RPTOR: variants seen among roughly 807,000 people sequenced by gnomAD.
RPTOR encodes regulatory-associated protein of mTOR.
Under a neutral mutation model 169.9 loss-of-function variants are expected in RPTOR, and 21 were observed. That is an observed-to-expected ratio of 0.12 (90% CI 0.09 to 0.18). The LOEUF (loss-of-function observed/expected upper bound fraction) is 0.18. RPTOR is among the 10% of genes least tolerant of loss of function. The probability of loss-of-function intolerance (pLI) is 1.00; values close to 1 mark genes in which losing one functional copy is unlikely to be tolerated. For missense variants in RPTOR, 1,133 were observed against 1,855.9 expected (o/e 0.61, Z 7.16); for synonymous variants, 732 against 753.2 (o/e 0.97, Z 0.46).
intron 3 of RPTOR, among the ~76,000 whole-genome samples, chr17:80,672,525 C>T (rs191448345): frequency 6.6e-6 from 1 of 152,256 alleles, no homozygotes; most frequent in East Asian, 1.9e-4. Flanking sequence ...CGGTGGCTCA[C>T]GCCTGTAGTA....
chr17:80,956,080 C>T (rs560923992), intron 28 of RPTOR, among the ~76,000 whole-genome samples: 1 of 152,290 alleles, frequency 6.6e-6, no homozygotes, highest in African/African-American at 2.4e-5. Flanking sequence ...ATGTGGAAGG[C>T]ATGTTACGTT....
chr17:80,784,539 C>G (rs191949385), intron 6 of RPTOR, among the ~76,000 whole-genome samples: 10 of 151,668 alleles, frequency 6.6e-5, no homozygotes, highest in Admixed American at 6.6e-4. Context: ...TTATAGGCAC[C>G]CACCACCATG....
At chr17:80,886,746 T>A (rs1404123966) in intron 17 of RPTOR, among the ~76,000 whole-genome samples, 1 of 152,132 alleles carries the variant, frequency 6.6e-6, no homozygotes, top group African/African-American at 2.4e-5. Flanking sequence ...CTGCTGAACC[T>A]GCATCCTGGA....
intron 9 of RPTOR, among the ~76,000 whole-genome samples, chr17:80,825,255 A>AGGTT (rs2067428095): frequency 6.6e-6 from 1 of 150,594 alleles, no homozygotes; most frequent in African/African-American, 2.5e-5. Context: ...CCGCGTGGCG[A>AGGTT]GGCCAGCGTG....
intron 20 of RPTOR, among the ~76,000 whole-genome samples, chr17:80,898,174 G>A (rs1194096442): frequency 1.3e-5 from 2 of 152,142 alleles, no homozygotes; most frequent in African/African-American, 4.8e-5. Context: ...GCTTCAAAAA[G>A]TTTTATTCTT....
chr17:80,814,228 G>A (rs772790178), intron 7 of RPTOR, among the ~76,000 whole-genome samples: 4 of 152,062 alleles, frequency 2.6e-5, no homozygotes, highest in Admixed American at 1.3e-4. Context: ...AAAAAAGGGG[G>A]GAAAAGTTTT....
chr17:80,655,576 A>ATTTTT (rs36041783), intron 3 of RPTOR, among the ~76,000 whole-genome samples: 1 of 135,714 alleles, frequency 7.4e-6, no homozygotes, highest in Non-Finnish European at 1.6e-5. Context: ...CTAATTTTTA[A>ATTTTT]TTTTTTTTTT....
At chr17:80,728,362 A>T (rs1344741082) in intron 4 of RPTOR, among the ~76,000 whole-genome samples, 1 of 151,606 alleles carries the variant, frequency 6.6e-6, no homozygotes, top group Non-Finnish European at 1.5e-5. Flanking sequence ...AGGTTTTGTG[A>T]CTTGCTTAAT....
rs924328834 is a variant in RPTOR, at chr17:80,959,565, G to A, written c.3478-513G>A. Among the ~76,000 whole-genome samples the A allele has an allele frequency of 5.9e-5, 9 of 152,026 alleles. No individual in the cohort carries two copies. In the East Asian group the frequency reaches 1.2e-3, roughly 20 times the overall value. On this transcript the variant is annotated intron_variant, in intron 29 of 33. Coordinates refer to ENST00000306801, the MANE Select transcript of RPTOR (RefSeq NM_020761.3). This position sits in a 1 kb window ranked among gnomAD's most constrained non-coding sequence, Gnocchi z 6.7. ...GTCCCTGGCAGGTGCCATCGCCCCC[G>A]CCCCCGCTTCTCCAGCACTTAGAGC... is the stretch of plus-strand genomic sequence containing the variant.
chr17:80,852,641 A>G (rs1360061796), intron 11 of RPTOR, among the ~76,000 whole-genome samples: 1 of 151,844 alleles, frequency 6.6e-6, no homozygotes, highest in Non-Finnish European at 1.5e-5. Context: ...ACATGCTGGG[A>G]TCCCCTCCAT....
At position 80,594,137 on chromosome 17, in the gene RPTOR, A is replaced by G. The variant is rs574105920; in HGVS notation, c.163-31554A>G. Among the ~76,000 whole-genome samples, 208 of 151,594 alleles carry G rather than the reference A, an allele frequency of 1.4e-3. 2 individuals carry two copies. Among genetic ancestry groups the G allele is most frequent in the African/African-American group, 4.6e-3 (189 of 41,248 alleles). The stretch of plus-strand genomic sequence containing the variant: ...GAGACAGAGTCTCGCTCTATCACCC[A>G]GGCTGCAGTGCAGTGGTGCGATCTC... On this transcript the variant is annotated intron_variant, in intron 1 of 33. Transcript: ENST00000306801.
rs2068151973 is a variant in RPTOR, at chr17:80,878,848, A to T, written c.1510-1567A>T. On this transcript the variant is annotated intron_variant, in intron 13 of 33. Transcript: ENST00000306801. The surrounding 1 kb of genome is among the most constrained non-coding windows in gnomAD (Gnocchi z 4.1). ...AGCCAGCACTTGCAGAAGTGTCCCCAAGTTAGGCAGCCTGGTGTGGCTTCC... is the reference window on the plus strand; with the variant it reads ...AGCCAGCACTTGCAGAAGTGTCCCCTAGTTAGGCAGCCTGGTGTGGCTTCC... 6.6e-6 allele frequency among the ~76,000 whole-genome samples: 1 copy of T among 152,098 alleles called. No individual in the cohort carries two copies. Among genetic ancestry groups the T allele is most frequent in the Non-Finnish European group, 1.5e-5 (1 of 68,006 alleles).
chr17:80,879,793 A>C (rs1414906770), intron 13 of RPTOR, among the ~76,000 whole-genome samples: 1 of 152,216 alleles, frequency 6.6e-6, no homozygotes, highest in Non-Finnish European at 1.5e-5. Context: ...ATGTGTAGAC[A>C]GGCACAGAAT....
intron 7 of RPTOR, among the ~76,000 whole-genome samples, chr17:80,807,952 G>A (rs991785709): frequency 6.6e-6 from 1 of 152,084 alleles, no homozygotes; most frequent in Non-Finnish European, 1.5e-5. Flanking sequence ...TGGTCCTTGG[G>A]CCATAGTTTT....
At position 80,675,680 on chromosome 17, in the gene RPTOR, C is replaced by T. The variant is rs141494506; in HGVS notation, c.348+31870C>T. Reference sequence around the variant, plus strand: ...CGCGGAACCCGGCTGCTCTGCTCACCGGGCTCGGGCCCGCAGAACCCGGCT... The same window carrying T: ...CGCGGAACCCGGCTGCTCTGCTCACTGGGCTCGGGCCCGCAGAACCCGGCT... On this transcript the variant is annotated intron_variant, in intron 3 of 33. Transcript: ENST00000306801. Among the ~76,000 whole-genome samples the T allele has an allele frequency of 1.4e-3, 216 of 152,134 alleles. 2 individuals are homozygous for T. In the Middle Eastern group the frequency reaches 0.024, roughly 17 times the overall value.
In RPTOR at chr17:80,867,838, A is replaced by T. The variant is rs147953358; in HGVS notation, c.1509+9938A>T. On this transcript the variant is annotated intron_variant, in intron 13 of 33. Transcript: ENST00000306801. Reference sequence around the variant, plus strand: ...TGGGCAAGATCTGTACACCAAAACTACAAACCATTGTGAAAAGAAATGAAG... The same window carrying T: ...TGGGCAAGATCTGTACACCAAAACTTCAAACCATTGTGAAAAGAAATGAAG... 8.9e-4 allele frequency among the ~76,000 whole-genome samples: 136 copies of T among 152,354 alleles called. 1 individual carries two copies. Among genetic ancestry groups the T allele is most frequent in the African/African-American group, 2.6e-3 (107 of 41,590 alleles).
In RPTOR at chr17:80,921,378, C is replaced by T. The variant is rs576983053; in HGVS notation, c.2521-1346C>T. On this transcript the variant is annotated intron_variant, in intron 21 of 33. Coordinates refer to ENST00000306801, the MANE Select transcript of RPTOR (RefSeq NM_020761.3). ...AGCACCATCAGGCCCCTTCTGAACG[C>T]GCACAGCCTCTGGAGTCCAGAACCC... 8.5e-5 allele frequency among the ~76,000 whole-genome samples: 13 copies of T among 152,316 alleles called. No individual in the cohort carries two copies. The South Asian group carries it at 2.3e-3, about 27-fold the overall frequency.
At chr17:80,618,230 GC>G (rs2065327584) in intron 1 of RPTOR, among the ~76,000 whole-genome samples, 2 of 152,156 alleles carry the variant, frequency 1.3e-5, no homozygotes, top group South Asian at 4.1e-4. Context: ...CAGGTGATCC[GC>G]CAGGCTTGGC....
chr17:80,651,475 T>TTC lies in RPTOR; in HGVS notation c.348+7667_348+7668dup, dbSNP rs1199925674. On this transcript the variant is annotated intron_variant, in intron 3 of 33. Transcript: ENST00000306801. The surrounding 1 kb of genome is among the most constrained non-coding windows in gnomAD (Gnocchi z 4.1). Reference sequence around the variant, plus strand: ...CATGAATTTGGGTGTTCACAAGGGCTTCTGTACAGCTCCCTCCCAAATGTC... The same window carrying TTC: ...CATGAATTTGGGTGTTCACAAGGGCTTCTCTGTACAGCTCCCTCCCAAATGTC... 6.6e-6 allele frequency among the ~76,000 whole-genome samples: 1 copy of TTC among 152,250 alleles called. No homozygotes were observed. The highest frequency in any genetic ancestry group is 6.5e-5 in the Admixed American group (1 of 15,282).
Sources: allele counts gnomAD v4.1 joint callset (sites outside exome capture counted in the v4.1 genomes callset), GRCh38; gene constraint gnomAD v4.1.1; non-coding constraint Gnocchi (gnomAD v3.1); transcripts MANE v1.5; gene names NCBI Gene and HGNC (gene_info 2026-07-23, HGNC 2026-07-21).